PHACTR1: variants seen among roughly 807,000 people sequenced by gnomAD.
The protein encoded by PHACTR1 is phosphatase and actin regulator 1.
Under a neutral mutation model 69.2 loss-of-function variants are expected in PHACTR1, and 16 were observed. The ratio of observed to expected loss-of-function variants is 0.23; its 90% confidence interval spans 0.16 to 0.35. PHACTR1 has a LOEUF of 0.35. Among genes scored for constraint, PHACTR1 ranks in the 10% least tolerant of loss-of-function variants. The pLI, the probability that PHACTR1 is intolerant of heterozygous loss-of-function variation, is 1.00. For synonymous variants in PHACTR1, 312 were observed against 284.5 expected (o/e 1.10, Z -0.97); for missense variants, 510 against 734.7 (o/e 0.69, Z 3.54).
rs144702350 is a variant in PHACTR1, at chr6:12,997,023, C to T, written c.251-56342C>T. Among the ~76,000 whole-genome samples the T allele has an allele frequency of 8.7e-3, 1,316 of 151,868 alleles. 7 individuals carry two copies. The highest frequency in any genetic ancestry group is 0.014 in the Non-Finnish European group (978 of 67,922). Reference sequence around the variant, plus strand: ...TCTACCAAAAGCACAAAATTAGCCACGCGTGTTGGCGCATGCCTGTAATCC... The same window carrying T: ...TCTACCAAAAGCACAAAATTAGCCATGCGTGTTGGCGCATGCCTGTAATCC... On this transcript the variant is annotated intron_variant, in intron 4 of 14. Transcript: ENST00000332995.
At chr6:13,136,089 T>TCC (rs1419739563) in intron 5 of PHACTR1, among the ~76,000 whole-genome samples, 2 of 152,158 alleles carry the variant, frequency 1.3e-5, no homozygotes, top group Non-Finnish European at 2.9e-5. Context: ...ATACCATTCT[T>TCC]CCAGCTTTCC....
intron 7 of PHACTR1, among the ~76,000 whole-genome samples, chr6:13,187,702 T>C (rs1762991734): frequency 6.6e-6 from 1 of 152,174 alleles, no homozygotes; most frequent in African/African-American, 2.4e-5. Flanking sequence ...CTCTAGGCCA[T>C]GCACTCCAAA....
rs770363657 is a variant in PHACTR1, at chr6:12,875,273, C to G, written c.250+125483C>G. 1.4e-4 allele frequency among the ~76,000 whole-genome samples: 22 copies of G among 152,194 alleles called. 1 individual carries two copies. The highest frequency in any genetic ancestry group is 2.9e-5 in the Non-Finnish European group (2 of 68,042). ...AAATCATTTATTACTCATCGTGACT[C>G]CACAGGGTTCTTCGTGCTCCATGAG... On this transcript the variant is annotated intron_variant, in intron 4 of 14. Transcript: ENST00000332995.
chr6:12,849,931 A>G (rs1025579407), intron 4 of PHACTR1, among the ~76,000 whole-genome samples: 2 of 152,150 alleles, frequency 1.3e-5, no homozygotes, highest in Non-Finnish European at 2.9e-5. Context: ...TTTATTCAAA[A>G]TTAGGTGAGT....
chr6:13,237,500 A>G (rs1251940310), intron 10 of PHACTR1, among the ~76,000 whole-genome samples: 2 of 152,188 alleles, frequency 1.3e-5, no homozygotes, highest in Admixed American at 1.3e-4. Flanking sequence ...TATTCTATTT[A>G]TAGTATATTC....
chr6:12,965,288 G>A (rs981607398), intron 4 of PHACTR1, among the ~76,000 whole-genome samples: 12 of 152,256 alleles, frequency 7.9e-5, no homozygotes, highest in East Asian at 5.8e-4. Flanking sequence ...TCACTAGAAT[G>A]TATTTGTAAC....
intron 7 of PHACTR1, among the ~76,000 whole-genome samples, chr6:13,186,077 T>G (rs1301954942): frequency 2.6e-5 from 4 of 152,206 alleles, no homozygotes; most frequent in Non-Finnish European, 5.9e-5. Context: ...AATCTATTAA[T>G]GTGTATGTCC....
chr6:13,234,999 G>C (rs1393924050), intron 10 of PHACTR1, among the ~76,000 whole-genome samples: 1 of 152,160 alleles, frequency 6.6e-6, no homozygotes, highest in Non-Finnish European at 1.5e-5. Flanking sequence ...ATTTGTGCCT[G>C]AATTGTAATG....
chr6:13,024,119 G>A (rs542704182), intron 4 of PHACTR1, among the ~76,000 whole-genome samples: 10 of 152,062 alleles, frequency 6.6e-5, no homozygotes, highest in African/African-American at 2.4e-4. Flanking sequence ...ACCAGACTCA[G>A]TTGCATATTA....
intron 4 of PHACTR1, among the ~76,000 whole-genome samples, chr6:12,885,160 C>A (rs908742993): frequency 1.3e-5 from 2 of 152,180 alleles, no homozygotes; most frequent in African/African-American, 4.8e-5. Context: ...CACATCCCTG[C>A]GGAATGCAGG....
intron 10 of PHACTR1, among the ~76,000 whole-genome samples, chr6:13,256,167 G>A (rs1053582481): frequency 2.0e-5 from 3 of 152,254 alleles, no homozygotes; most frequent in Non-Finnish European, 4.4e-5. Flanking sequence ...CTCTGAAGCA[G>A]CAGCCTGAGC....
At chr6:12,985,620 T>C (rs1796089555) in intron 4 of PHACTR1, among the ~76,000 whole-genome samples, 1 of 150,184 alleles carries the variant, frequency 6.7e-6, no homozygotes, top group Admixed American at 6.7e-5. Flanking sequence ...AAGTTAATAG[T>C]ATTTTTTATA....
intron 10 of PHACTR1, among the ~76,000 whole-genome samples, chr6:13,248,112 T>C (rs1481567102): frequency 6.6e-6 from 1 of 152,192 alleles, no homozygotes; most frequent in Non-Finnish European, 1.5e-5. Flanking sequence ...GAAGCATCTC[T>C]GCTGAGCAGC....
intron 10 of PHACTR1, among the ~76,000 whole-genome samples, chr6:13,253,789 A>G (rs1774820362): frequency 6.6e-6 from 1 of 152,210 alleles, no homozygotes; most frequent in Non-Finnish European, 1.5e-5. Context: ...AGCTGCATGG[A>G]CGTGGACATC....
At chr6:12,802,032 A>G (rs925289285) in intron 4 of PHACTR1, among the ~76,000 whole-genome samples, 1 of 150,920 alleles carries the variant, frequency 6.6e-6, no homozygotes, top group Non-Finnish European at 1.5e-5. Flanking sequence ...TAAACCTTAC[A>G]TAACCCTTTG....
intron 7 of PHACTR1, among the ~76,000 whole-genome samples, chr6:13,199,388 A>AAAAAC (rs1764884536): frequency 3.6e-5 from 3 of 83,026 alleles, no homozygotes; most frequent in South Asian, 5.5e-4. Flanking sequence ...CATCTCAAAA[A>AAAAAC]AAAAAAAAAA....
chr6:13,106,009 T>G (rs1019508865), intron 5 of PHACTR1, among the ~76,000 whole-genome samples: 1 of 152,314 alleles, frequency 6.6e-6, no homozygotes, highest in Middle Eastern at 3.4e-3. Flanking sequence ...TAGTGTCTGG[T>G]GCAGCATTAG....
intron 4 of PHACTR1, among the ~76,000 whole-genome samples, chr6:13,033,474 C>A (rs573613762): frequency 2.0e-5 from 3 of 152,162 alleles, no homozygotes; most frequent in Non-Finnish European, 4.4e-5. Context: ...TGGCCATGCT[C>A]TGTTAAAATG....
chr6:13,165,740 C>A (rs755899329), intron 6 of PHACTR1, among the ~76,000 whole-genome samples: 4 of 151,984 alleles, frequency 2.6e-5, no homozygotes, highest in Admixed American at 6.6e-5. Context: ...GTGGCTCAAA[C>A]AGGGGCATGG....
Sources: gnomAD v4.1 joint callset for allele counts (sites outside exome capture counted in the v4.1 genomes callset) on GRCh38, gnomAD v4.1.1 for gene constraint, MANE v1.5 for transcripts, NCBI Gene and HGNC (gene_info 2026-07-23, HGNC 2026-07-21) for gene names.